Variants in GPT2 observed in about 807,000 individuals in gnomAD.
GPT2 encodes alanine aminotransferase 2.
A neutral mutation model predicts 56.9 loss-of-function variants in GPT2; 30 were observed. The ratio of observed to expected loss-of-function variants is 0.53; its 90% CI spans 0.39 to 0.72. GPT2 has a LOEUF of 0.72. Among genes scored for constraint, GPT2 ranks in the 30% least tolerant of loss-of-function variants. The probability of loss-of-function intolerance (pLI) is 0.00; values close to 1 mark genes in which losing one functional copy is unlikely to be tolerated. For missense variants in GPT2, 542 were observed against 703.4 expected, an observed-to-expected ratio of 0.77 and a Z score of 2.60; for synonymous variants, 271 against 283.1, an observed-to-expected ratio of 0.96 and a Z score of 0.43.
chr16:46,906,871 T>C lies in GPT2; in HGVS notation c.472T>C (p.Cys158Arg). The change falls in exon 5 of 12, where the codon TGC becomes CGC. Residue 158 changes from cysteine to arginine, a missense_variant. Coordinates refer to ENST00000340124, the MANE Select transcript of GPT2 (RefSeq NM_133443.4). The stretch of plus-strand genomic sequence containing the variant: ...CTACAGTGCTAGCCAGGGTGTCAAC[T>C]GCATCCGTGAAGATGTGGCTGCCTA... ...GSYSASQGVNCIREDVAAYIT... is the reference protein window; with the variant it reads ...GSYSASQGVNRIREDVAAYIT... 6.2e-7 allele frequency: 1 copy of C among 1,614,238 alleles called. No individual in the cohort carries two copies. Among genetic ancestry groups the C allele is most frequent in the Non-Finnish European group, 8.5e-7 (1 of 1,180,038 alleles).
chr16:46,904,220 C>G (rs775586299), intron 4 of GPT2, among the ~76,000 whole-genome samples: 7 of 152,174 alleles, frequency 4.6e-5, no homozygotes, highest in Non-Finnish European at 1.0e-4. Context: ...AGTCAAGAGT[C>G]AGCGTGGGGA....
intron 4 of GPT2, among the ~76,000 whole-genome samples, chr16:46,902,913 C>T (rs1242441684): frequency 9.9e-5 from 15 of 152,166 alleles, no homozygotes; most frequent in East Asian, 3.9e-4. Flanking sequence ...CGTGAGCCAC[C>T]GCGCCTGGCC....
chr16:46,920,223 T>G (rs957301660), intron 8 of GPT2, among the ~76,000 whole-genome samples: 7 of 152,110 alleles, frequency 4.6e-5, no homozygotes, highest in Non-Finnish European at 1.0e-4. Flanking sequence ...AGTCAACAGA[T>G]GAGGAAGGCT....
chr16:46,898,027 C>G (rs1164229260), intron 3 of GPT2, among the ~76,000 whole-genome samples: 2 of 152,038 alleles, frequency 1.3e-5, no homozygotes, highest in Admixed American at 6.6e-5. Context: ...TAGGCGGCAG[C>G]CCAGAGGACA....
chr16:46,899,269 A>C (rs1293870192), intron 3 of GPT2, among the ~76,000 whole-genome samples: 1 of 151,950 alleles, frequency 6.6e-6, no homozygotes, highest in Admixed American at 6.6e-5. Flanking sequence ...CCTGGACCCA[A>C]GTAATCCTTT....
chr16:46,905,166 C>T (rs1960896854), intron 4 of GPT2, among the ~76,000 whole-genome samples: 2 of 152,072 alleles, frequency 1.3e-5, no homozygotes, highest in South Asian at 2.1e-4. Context: ...AAGTGATTCT[C>T]CTTTCTCAGT....
intron 4 of GPT2, among the ~76,000 whole-genome samples, chr16:46,901,118 G>A (rs1448878286): frequency 1.3e-5 from 2 of 152,214 alleles, no homozygotes; most frequent in African/African-American, 4.8e-5. Flanking sequence ...TGGAGGCCAG[G>A]TAGAAACGCA....
rs1458879946 is a variant in GPT2 at position 46,884,893 on chromosome 16, G to C, written c.178G>C (p.Val60Leu). 1 of 1,544,170 alleles carries C rather than the reference G, an allele frequency of 6.5e-7. No homozygotes were observed. Among genetic ancestry groups the C allele is most frequent in the Non-Finnish European group, 8.7e-7 (1 of 1,144,982 alleles). The change falls in exon 2 of 12, where the codon GTG becomes CTG. Residue 60 changes from valine (V) to leucine (L), a missense_variant. Physicochemically the swap from Val to Leu is conservative, Grantham distance 32 (BLOSUM62 1). Coordinates refer to ENST00000340124, the MANE Select transcript of GPT2 (RefSeq NM_133443.4). ...LESMNPQVKA[V>L]EYAVRGPIVL... ...GTCCATGAACCCGCAGGTGAAGGCG[G>C]TGGAGTACGCCGTGCGGGGACCCAT...
At position 46,921,232 on chromosome 16, in the gene GPT2, G is replaced by A. The variant is rs1002760191; in HGVS notation, c.1038-1010G>A. ...AGCCCAGGCTGGAGTGCAGAGGCGCGATCTTAGTTCACTGCAACCTCTGCC... is the reference window on the plus strand; with the variant it reads ...AGCCCAGGCTGGAGTGCAGAGGCGCAATCTTAGTTCACTGCAACCTCTGCC... On this transcript the variant is annotated intron_variant, in intron 8 of 11. Transcript: ENST00000340124. 2.6e-5 allele frequency among the ~76,000 whole-genome samples: 4 copies of A among 152,222 alleles called. No individual in the cohort carries two copies. The South Asian group carries it at 6.2e-4, about 24-fold the overall frequency.
chr16:46,922,025 CT>C (rs1961296697), intron 8 of GPT2, among the ~76,000 whole-genome samples: 2 of 152,166 alleles, frequency 1.3e-5, no homozygotes, highest in Non-Finnish European at 2.9e-5. Flanking sequence ...TGCCACTGCA[CT>C]CCAGCCTGGG....
intron 2 of GPT2, among the ~76,000 whole-genome samples, chr16:46,895,956 G>C (rs1276066408): frequency 1.3e-5 from 2 of 152,204 alleles, no homozygotes; most frequent in Non-Finnish European, 2.9e-5. Context: ...AGTTATATCT[G>C]TAAAATTTGT....
At chr16:46,924,783 CTG>C (rs1338119206) in intron 10 of GPT2, among the ~76,000 whole-genome samples, 7 of 152,250 alleles carry the variant, frequency 4.6e-5, no homozygotes, top group Admixed American at 1.3e-4. Flanking sequence ...GATCTGGACT[CTG>C]TGAATGCTGC....
intron 4 of GPT2, among the ~76,000 whole-genome samples, chr16:46,905,971 G>C (rs1381512756): frequency 6.6e-6 from 1 of 152,232 alleles, no homozygotes; most frequent in African/African-American, 2.4e-5. Context: ...GTTCACATGG[G>C]ACTGGAGGCT....
At chr16:46,924,690 T>C in intron 10 of GPT2, 146 bp downstream of exon 10, 1 of 822,774 alleles carries the variant, frequency 1.2e-6, no homozygotes, top group Non-Finnish European at 1.9e-6. Context: ...GTGTTGACCG[T>C]GTAAAGATGA....
At chr16:46,902,793 T>G (rs901394370) in intron 4 of GPT2, among the ~76,000 whole-genome samples, 2 of 152,056 alleles carry the variant, frequency 1.3e-5, no homozygotes, top group Non-Finnish European at 2.9e-5. Context: ...GCCTGGGTAA[T>G]TTTTGTATTT....
intron 2 of GPT2, 50 bp from the exon 3 acceptor site, chr16:46,897,598 C>T: frequency 6.4e-7 from 1 of 1,564,182 alleles, no homozygotes; most frequent in Admixed American, 1.7e-5. Context: ...CTCTGGAATC[C>T]AGGGTTTAAG....
chr16:46,908,426 G>A (rs1026755503), intron 5 of GPT2, among the ~76,000 whole-genome samples: 1 of 152,130 alleles, frequency 6.6e-6, no homozygotes, highest in African/African-American at 2.4e-5. Context: ...TTCTGCACAC[G>A]CCTCCCAGGG....
intron 4 of GPT2, among the ~76,000 whole-genome samples, chr16:46,905,108 G>A (rs1397927063): frequency 6.6e-6 from 1 of 151,372 alleles, no homozygotes. Context: ...CCAGGCTGGA[G>A]TACAGTGGCG....
intron 4 of GPT2, among the ~76,000 whole-genome samples, chr16:46,903,304 T>G (rs1320103489): frequency 2.6e-5 from 4 of 152,036 alleles, no homozygotes; most frequent in African/African-American, 9.7e-5. Flanking sequence ...GTTTTTGTTT[T>G]TTTTTTCTTT....
Sources: allele counts gnomAD v4.1 joint callset (sites outside exome capture counted in the v4.1 genomes callset), GRCh38; gene constraint gnomAD v4.1.1; transcripts MANE v1.5; gene names NCBI Gene and HGNC (gene_info 2026-07-23, HGNC 2026-07-21).